The following MTAP variants were observed in gnomAD, a reference collection of about 807,000 sequenced individuals.
MTAP encodes methylthioadenosine phosphorylase, also known as S-methyl-5'-thioadenosine phosphorylase.
Under a neutral mutation model 33.6 loss-of-function variants are expected in MTAP, and 33 were observed. The ratio of observed to expected loss-of-function variants is 0.98; its 90% CI spans 0.74 to 1.31. The LOEUF is 1.31. Ranked by LOEUF, MTAP falls within the 40% of genes most tolerant of loss-of-function variation. The probability of loss-of-function intolerance (pLI) is 0.00; values close to 1 mark genes in which losing one functional copy is unlikely to be tolerated. For missense variants in MTAP, 367 were observed against 360.0 expected, an observed-to-expected ratio of 1.02 and a Z score of -0.16; for synonymous variants, 148 against 125.7, an observed-to-expected ratio of 1.18 and a Z score of -1.19.
At position 21,837,999 on chromosome 9, in the gene MTAP, A is replaced by AAAACG. The variant is rs769723225; in HGVS notation, c.441_445dup (p.Arg149LysfsTer7). ...TCCAATGGCTGAGCCGTTTTGCCCC[A>AAAACG]AAACGAGAGAGGTGTGTAGTCTTTC... is the stretch of plus-strand genomic sequence containing the variant. On this transcript the variant is annotated frameshift_variant, in exon 5 of 8. Coordinates refer to ENST00000644715, the MANE Select transcript of MTAP (RefSeq NM_002451.4). LOFTEE classifies it high-confidence loss of function. 7 of 1,613,694 alleles carry AAAACG rather than the reference A, an allele frequency of 4.3e-6. No homozygotes were observed. Among genetic ancestry groups the AAAACG allele is most frequent in the Non-Finnish European group, 5.9e-6 (7 of 1,179,718 alleles).
At position 21,824,895 on chromosome 9, in the gene MTAP, C is replaced by T. The variant is rs150473811; in HGVS notation, c.347+6693C>T. On this transcript the variant is annotated intron_variant, in intron 4 of 7. Coordinates refer to ENST00000644715, the MANE Select transcript of MTAP (RefSeq NM_002451.4). Reference sequence around the variant, plus strand: ...GAGGCTCTGTGGGCGTGGGACCCTCCGAGCTATGCACGGGATATAATCTCC... The same window carrying T: ...GAGGCTCTGTGGGCGTGGGACCCTCTGAGCTATGCACGGGATATAATCTCC... 5.9e-3 allele frequency among the ~76,000 whole-genome samples: 894 copies of T among 152,294 alleles called. 8 individuals are homozygous for T. Among genetic ancestry groups the T allele is most frequent in the African/African-American group, 0.02 (835 of 41,566 alleles).
chr9:21,852,246 T>G (rs1274234763), intron 5 of MTAP, among the ~76,000 whole-genome samples: 1 of 152,090 alleles, frequency 6.6e-6, no homozygotes, highest in Non-Finnish European at 1.5e-5. Flanking sequence ...CAGTGGCTCA[T>G]GCCTATAATC....
chr9:21,891,423 C>A (rs1286075471), intron 1 of MTAP, among the ~76,000 whole-genome samples: 1 of 152,038 alleles, frequency 6.6e-6, no homozygotes, highest in Non-Finnish European at 1.5e-5. Flanking sequence ...GCTAAAAGAT[C>A]AAAATAGCCA....
At chr9:21,914,280 G>A (rs892541768) in intron 1 of MTAP, among the ~76,000 whole-genome samples, 4 of 152,002 alleles carry the variant, frequency 2.6e-5, no homozygotes, top group Non-Finnish European at 5.9e-5. Context: ...CCAATTACTG[G>A]GTATATATCC....
chr9:21,865,751 T>C lies in MTAP; in HGVS notation c.*3737T>C. ...TTGAGAACCTCGGGATCCCAAAGAA[T>C]GAGGGGAATTTCTTCAGAAAGACAA... On this transcript the variant is annotated 3_prime_UTR_variant, in exon 8 of 8. Coordinates refer to ENST00000644715, the MANE Select transcript of MTAP (RefSeq NM_002451.4). The C allele has an allele frequency of 9.6e-7, 1 of 1,040,252 alleles. No homozygotes were observed. Among genetic ancestry groups the C allele is most frequent in the Admixed American group, 4.2e-5 (1 of 23,832 alleles). The allele number at this position is 1,040,252 out of a possible 1,614,324, so 64.4% of individuals were successfully genotyped here. A position where few individuals can be genotyped will look rare whatever the true frequency, so the allele number is the denominator to read the frequency against.
In MTAP at chr9:21,862,031, A is replaced by G. The variant is rs553057304; in HGVS notation, c.*17A>G. The G allele has an allele frequency of 1.0e-4, 161 of 1,612,932 alleles. 1 individual carries two copies. In the South Asian group the frequency reaches 1.7e-3, roughly 17 times the overall value. On this transcript the variant is annotated 3_prime_UTR_variant, in exon 8 of 8. Coordinates refer to ENST00000644715, the MANE Select transcript of MTAP (RefSeq NM_002451.4). Reference sequence around the variant, plus strand: ...AGACATTAAAGTAGCATGGCTGCCCAGGAGAAAAGAAGACATTCTAATTCC... The same window carrying G: ...AGACATTAAAGTAGCATGGCTGCCCGGGAGAAAAGAAGACATTCTAATTCC...
chr9:21,897,328 G>A (rs966539879), intron 1 of MTAP, among the ~76,000 whole-genome samples: 1 of 152,124 alleles, frequency 6.6e-6, no homozygotes, highest in African/African-American at 2.4e-5. Context: ...CACAAAACAG[G>A]GATGCCCTCT....
chr9:21,802,900 G>A, intron 1 of MTAP, 119 bp downstream of exon 1: 1 of 1,479,338 alleles, frequency 6.8e-7, no homozygotes, highest in Non-Finnish European at 8.9e-7. Context: ...TGCCGCCGCG[G>A]GGAGGGACTG....
intron 1 of MTAP, among the ~76,000 whole-genome samples, chr9:21,885,810 GTGTGTGTGTGTA>G (rs1818099242): frequency 6.7e-6 from 1 of 149,458 alleles, no homozygotes; most frequent in African/African-American, 2.5e-5. Flanking sequence ...GTGTGTGTGT[GTGTGTGTGTGTA>G]TACAGATCAC....
At chr9:21,806,106 C>A (rs747983179) in intron 1 of MTAP, among the ~76,000 whole-genome samples, 17 of 151,988 alleles carry the variant, frequency 1.1e-4, no homozygotes, top group Non-Finnish European at 2.2e-4. Context: ...GAGTGGGAGG[C>A]AGCATTTGAT....
chr9:21,877,811 G>A (rs1360679219), intron 1 of MTAP, among the ~76,000 whole-genome samples: 2 of 152,022 alleles, frequency 1.3e-5, no homozygotes, highest in Non-Finnish European at 2.9e-5. Flanking sequence ...ATATTTGCCT[G>A]AAGTTTTCTT....
In MTAP at chr9:21,815,149, T is replaced by C. The variant is rs182887593; in HGVS notation, c.34-284T>C. ...AGTTGGTTAAAATACCTCTCTATGC[T>C]GACTTGTAATTCAGACAGTCAGAAG... On this transcript the variant is annotated intron_variant, in intron 1 of 7. Coordinates refer to ENST00000644715, the MANE Select transcript of MTAP (RefSeq NM_002451.4). Among the ~76,000 whole-genome samples, 186 of 152,348 alleles carry C rather than the reference T, an allele frequency of 1.2e-3. 1 individual carries two copies. Among genetic ancestry groups the C allele is most frequent in the Non-Finnish European group, 2.6e-4 (18 of 68,034 alleles).
At chr9:21,853,891 G>T (rs1288027314) in intron 5 of MTAP, among the ~76,000 whole-genome samples, 2 of 152,020 alleles carry the variant, frequency 1.3e-5, no homozygotes, top group Non-Finnish European at 2.9e-5. Context: ...TAATTAAAAG[G>T]GAATATTGAA....
At chr9:21,886,880 C>G (rs1275372601) in intron 1 of MTAP, among the ~76,000 whole-genome samples, 1 of 152,160 alleles carries the variant, frequency 6.6e-6, no homozygotes, top group Admixed American at 6.6e-5. Flanking sequence ...ATGATACCTT[C>G]AGATTTGTTC....
chr9:21,916,749 A>T (rs916039241), intron 1 of MTAP, among the ~76,000 whole-genome samples: 2 of 152,192 alleles, frequency 1.3e-5, no homozygotes, highest in Non-Finnish European at 1.5e-5. Context: ...TCTAGAAAAG[A>T]AGAACCTACA....
chr9:21,878,684 G>T (rs1826047569), intron 1 of MTAP, among the ~76,000 whole-genome samples: 1 of 152,058 alleles, frequency 6.6e-6, no homozygotes, highest in Admixed American at 6.6e-5. Flanking sequence ...AATTTTTAAT[G>T]TGGGTGTTTA....
chr9:21,876,966 T>C (rs1826019694), intron 1 of MTAP, among the ~76,000 whole-genome samples: 1 of 152,204 alleles, frequency 6.6e-6, no homozygotes, highest in Non-Finnish European at 1.5e-5. Context: ...GTCATTTTAA[T>C]GATACTGATT....
intron 1 of MTAP, among the ~76,000 whole-genome samples, chr9:21,879,823 G>T (rs1271796096): frequency 6.6e-6 from 1 of 150,918 alleles, no homozygotes; most frequent in Non-Finnish European, 1.5e-5. Flanking sequence ...AATTCTCAGT[G>T]GAAGATTTTT....
intron 7 of MTAP, 113 bp downstream of exon 7, chr9:21,859,538 C>T (rs1825711213): frequency 1.6e-6 from 2 of 1,286,618 alleles, no homozygotes; most frequent in Admixed American, 3.2e-5. Flanking sequence ...TAGATGTTTT[C>T]AACAAGTTTT....
Sources: gnomAD v4.1 joint callset for allele counts (sites outside exome capture counted in the v4.1 genomes callset) on GRCh38, gnomAD v4.1.1 for gene constraint, MANE v1.5 for transcripts, NCBI Gene and HGNC (gene_info 2026-07-23, HGNC 2026-07-21) for gene names.